Variants in PDE4A observed in about 807,000 individuals in gnomAD.
PDE4A encodes 3',5'-cyclic-AMP phosphodiesterase 4A.
A neutral mutation model predicts 73.9 loss-of-function variants in PDE4A; 21 were observed. The observed-to-expected ratio is 0.28, with a 90% CI of 0.20 to 0.41. The LOEUF is 0.41. PDE4A is among the 10% of genes least tolerant of loss of function. PDE4A has a pLI of 1.00. For synonymous variants in PDE4A, 463 were observed against 505.4 expected (o/e 0.92, Z 1.13); for missense variants, 958 against 1,211.4 (o/e 0.79, Z 3.10).
intron 1 of PDE4A, among the ~76,000 whole-genome samples, chr19:10,425,918 C>T (rs1031741117): frequency 1.3e-4 from 16 of 124,844 alleles, no homozygotes; most frequent in Middle Eastern, 5.7e-3. Context: ...GCCTGGAAGG[C>T]GGAGGTTGCG....
chr19:10,421,185 C>A, intron 1 of PDE4A, 101 bp downstream of exon 1: 4 of 1,332,946 alleles, frequency 3.0e-6, no homozygotes, highest in South Asian at 2.0e-5. Context: ...CGGGTGGGGT[C>A]GGTTTGGCTG....
At chr19:10,429,843 C>T (rs992650679) in intron 1 of PDE4A, among the ~76,000 whole-genome samples, 3 of 152,082 alleles carry the variant, frequency 2.0e-5, no homozygotes, top group Admixed American at 2.0e-4. Context: ...ACTAGGGCAT[C>T]CCCTGAGTCT....
chr19:10,421,221 G>C lies in PDE4A; in HGVS notation c.320+137G>C, dbSNP rs552418360. 725 of 1,335,580 alleles carry C rather than the reference G, an allele frequency of 5.4e-4. 13 individuals carry two copies. In the South Asian group the frequency reaches 0.013, roughly 25 times the overall value. 82.7% of individuals were successfully genotyped at this position (1,335,580 alleles called of 1,614,324 possible). A position where few individuals can be genotyped will look rare whatever the true frequency, so the allele number is the denominator to read the frequency against. On this transcript the variant is annotated intron_variant, in intron 1 of 14. Transcript: ENST00000380702. ...GCGGGGGCGGAGGGAATTCGGCTGCGGGGGCGTCTGGGACCTGGCCCCTGG... is the reference window on the plus strand; with the variant it reads ...GCGGGGGCGGAGGGAATTCGGCTGCCGGGGCGTCTGGGACCTGGCCCCTGG...
At chr19:10,417,415 A>G (rs1383913092), upstream of PDE4A, 20 of 985,172 alleles carry the variant, frequency 2.0e-5, no homozygotes, top group Non-Finnish European at 2.4e-5. Flanking sequence ...TAGATGTGAC[A>G]GACCCCAAGG....
chr19:10,455,289 C>T (rs911450429), intron 7 of PDE4A, among the ~76,000 whole-genome samples: 1 of 152,008 alleles, frequency 6.6e-6, no homozygotes, highest in Non-Finnish European at 1.5e-5. Flanking sequence ...ATGGTGAAAC[C>T]CCATCTCTAC....
Position 10,467,416 on chromosome 19 carries a change from C to G in PDE4A, c.2456C>G (p.Pro819Arg). The change falls in exon 15 of 15, where the codon CCC becomes CGC. Residue 819 changes from proline to arginine, a missense_variant. Around this residue, in one of 3 missense-constraint regions of PDE4A, gnomAD observed 243 missense variants for 245.9 expected, o/e 0.99. Transcript: ENST00000380702. Reference protein sequence around the residue: ...SSPSALALQSPLLPAWRTLSV... With the variant: ...SSPSALALQSRLLPAWRTLSV... ...CCCTCTGCCCTGGCTCTTCAAAGCC[C>G]CCTTCTCCCTGCTTGGAGGACCCTG... 5.6e-6 allele frequency: 9 copies of G among 1,613,998 alleles called. No individual in the cohort carries two copies. The highest frequency in any genetic ancestry group is 7.6e-6 in the Non-Finnish European group (9 of 1,179,900).
intron 12 of PDE4A, 44 bp from the exon 13 acceptor site, chr19:10,461,833 G>A (rs748890747): frequency 1.2e-6 from 2 of 1,601,158 alleles, no homozygotes; most frequent in Non-Finnish European, 1.7e-6. Context: ...GGTCAGTCTG[G>A]GGGGCGGGTG....
rs567068577 is a variant in PDE4A, at chr19:10,458,220, G to A, written c.1101+118G>A. The A allele has an allele frequency of 2.3e-3, 2,189 of 932,036 alleles. 7 individuals carry two copies. The highest frequency in any genetic ancestry group is 2.9e-3 in the Non-Finnish European group (1,782 of 615,658). 57.7% of individuals were successfully genotyped at this position (932,036 alleles called of 1,614,324 possible). A position where few individuals can be genotyped will look rare whatever the true frequency, so the allele number is the denominator to read the frequency against. On this transcript the variant is annotated intron_variant, in intron 8 of 14. Coordinates refer to ENST00000380702, the MANE Select transcript of PDE4A (RefSeq NM_001111307.2). This position sits in a 1 kb window ranked among gnomAD's most constrained non-coding sequence, Gnocchi z 4.6. ...TTCCCAGAAGCAGAGCTTGAGATGA[G>A]GGTTTGAGCCCATCTTGAGGCAAGC...
chr19:10,440,943 G>T (rs1384772875), intron 1 of PDE4A, among the ~76,000 whole-genome samples: 1 of 141,758 alleles, frequency 7.1e-6, no homozygotes, highest in Admixed American at 7.2e-5. Context: ...TCACCATGCT[G>T]CCCTGGCTGG....
At chr19:10,466,338 G>A (rs1331836943) in intron 14 of PDE4A, among the ~76,000 whole-genome samples, 7 of 147,898 alleles carry the variant, frequency 4.7e-5, no homozygotes, top group African/African-American at 1.7e-4. Flanking sequence ...CCAGCTACTC[G>A]GGAGGCTGAG....
chr19:10,453,170 C>A lies in PDE4A; in HGVS notation c.784-1659C>A. 6.8e-7 allele frequency: 1 copy of A among 1,469,724 alleles called. No homozygotes were observed. The highest frequency in any genetic ancestry group is 9.0e-7 in the Non-Finnish European group (1 of 1,107,170). The allele number at this position is 1,469,724 out of a possible 1,614,324, so 91.0% of individuals were successfully genotyped here. ...CGCGGCTCCCCCTTCCACTACCCACCTGCCCGGCACCCCCTCCCCAGTGGT... is the reference window on the plus strand; with the variant it reads ...CGCGGCTCCCCCTTCCACTACCCACATGCCCGGCACCCCCTCCCCAGTGGT... On this transcript the variant is annotated intron_variant, in intron 6 of 14. Coordinates refer to ENST00000380702, the MANE Select transcript of PDE4A (RefSeq NM_001111307.2). The surrounding 1 kb of genome is among the most constrained non-coding windows in gnomAD (Gnocchi z 4.6).
intron 1 of PDE4A, among the ~76,000 whole-genome samples, chr19:10,434,553 A>G (rs1403317384): frequency 3.3e-5 from 5 of 150,464 alleles, no homozygotes; most frequent in Non-Finnish European, 7.4e-5. Flanking sequence ...ATGTTACAGT[A>G]TAGCACAATG....
rs767445533 is a variant in PDE4A, at chr19:10,453,340, G to T, written c.784-1489G>T. On this transcript the variant is annotated intron_variant, in intron 6 of 14. Transcript: ENST00000380702. This position sits in a 1 kb window ranked among gnomAD's most constrained non-coding sequence, Gnocchi z 4.6. ...GGCTGGTGGGACCAGGTAGGAGAGT[G>T]CAGGGTAGGGGGTGGGCGGGCATCC... The T allele has an allele frequency of 6.2e-7, 1 of 1,611,244 alleles. No homozygotes were observed. The highest frequency in any genetic ancestry group is 2.2e-5 in the East Asian group (1 of 44,780).
chr19:10,416,963 C>G, upstream of PDE4A: 1 of 1,545,220 alleles, frequency 6.5e-7, no homozygotes, highest in South Asian at 1.2e-5. Flanking sequence ...GTCGCAGTGC[C>G]CTGTCCGTGG....
intron 1 of PDE4A, among the ~76,000 whole-genome samples, chr19:10,422,727 A>C (rs919449002): frequency 6.6e-6 from 1 of 152,090 alleles, no homozygotes; most frequent in African/African-American, 2.4e-5. Flanking sequence ...ACCCACCAGG[A>C]AGCAAGTGTC....
In PDE4A at chr19:10,420,698, G is replaced by C. The variant is rs944756484; in HGVS notation, c.-67G>C. ...CGGGGCCCTGGGCTCGCTGGCTTGCGCGCAGCTGAGCGGGGTGTAGGTTGG... is the reference window on the plus strand; with the variant it reads ...CGGGGCCCTGGGCTCGCTGGCTTGCCCGCAGCTGAGCGGGGTGTAGGTTGG... On this transcript the variant is annotated 5_prime_UTR_variant, in exon 1 of 15. Coordinates refer to ENST00000380702, the MANE Select transcript of PDE4A (RefSeq NM_001111307.2). This position sits in a 1 kb window ranked among gnomAD's most constrained non-coding sequence, Gnocchi z 6.0. The C allele has an allele frequency of 5.2e-5, 72 of 1,394,386 alleles. No individual in the cohort carries two copies. Among genetic ancestry groups the C allele is most frequent in the Non-Finnish European group, 6.5e-5 (71 of 1,084,834 alleles). 86.4% of individuals were successfully genotyped at this position (1,394,386 alleles called of 1,614,324 possible).
intron 14 of PDE4A, 118 bp downstream of exon 14, chr19:10,464,093 GT>G: frequency 7.3e-7 from 1 of 1,361,702 alleles, no homozygotes. Flanking sequence ...AAGTTGTCCT[GT>G]TTTTGGTTTT....
chr19:10,420,503 G>T, upstream of PDE4A: 2 of 920,520 alleles, frequency 2.2e-6, no homozygotes, highest in Non-Finnish European at 2.6e-6. The surrounding 1 kb of genome is among the most constrained non-coding windows in gnomAD (Gnocchi z 6.0). Flanking sequence ...GGCTGGCGCC[G>T]AGCGGGCCGC....
upstream of PDE4A, chr19:10,416,865 G>A (rs2042592555): frequency 2.0e-6 from 3 of 1,533,988 alleles, no homozygotes; most frequent in Admixed American, 3.9e-5. Flanking sequence ...TGGCAGATGC[G>A]TTTGGCTTGG....
Sources: allele counts gnomAD v4.1 joint callset (sites outside exome capture counted in the v4.1 genomes callset), GRCh38; gene constraint gnomAD v4.1.1; regional missense constraint gnomAD v4.1.1; non-coding constraint Gnocchi (gnomAD v3.1); transcripts MANE v1.5; gene names NCBI Gene and HGNC (gene_info 2026-07-23, HGNC 2026-07-21).